AHRR: variants seen among roughly 807,000 people sequenced by gnomAD.
AHRR encodes aryl hydrocarbon receptor repressor.
AHRR carries 28 observed loss-of-function variants against 44.0 expected under a neutral mutation model. The ratio of observed to expected loss-of-function variants is 0.64; its 90% CI spans 0.47 to 0.87. The LOEUF is 0.87. Ranked by LOEUF, AHRR falls within the 40% of genes least tolerant of loss-of-function variation. The pLI, the probability that AHRR is intolerant of heterozygous loss-of-function variation, is 0.00. For missense variants in AHRR, 990 were observed against 953.9 expected (o/e 1.04, Z -0.50); for synonymous variants, 434 against 407.0 (o/e 1.07, Z -0.80).
At chr5:433,238 C>T (rs1312418467) in intron 10 of AHRR, among the ~76,000 whole-genome samples, 1 of 152,048 alleles carries the variant, frequency 6.6e-6, no homozygotes, top group Non-Finnish European at 1.5e-5. Context: ...TCACTCGGAC[C>T]CTGGGTCACC....
chr5:422,610 C>A, intron 5 of AHRR, 119 bp from the exon 6 acceptor site: 1 of 1,372,882 alleles, frequency 7.3e-7, no homozygotes, highest in Non-Finnish European at 1.0e-6. Flanking sequence ...GGATTCTCTC[C>A]CTGTGGCTGT....
At chr5:381,834 G>A (rs574247143) in intron 4 of AHRR, among the ~76,000 whole-genome samples, 26 of 151,352 alleles carry the variant, frequency 1.7e-4, no homozygotes, top group African/African-American at 6.1e-4. Context: ...TGTTTGTTTT[G>A]TAAATGCCTC....
intron 4 of AHRR, among the ~76,000 whole-genome samples, chr5:382,099 A>G (rs1310520508): frequency 6.6e-6 from 1 of 152,152 alleles, no homozygotes; most frequent in African/African-American, 2.4e-5. Context: ...GCCTATGTTC[A>G]TGAGAAATAC....
Position 343,868 on chromosome 5 carries a change from GACCGGGT to G in AHRR, c.-10-24_-10-18del. The G allele has an allele frequency of 6.3e-7, 1 of 1,587,080 alleles. No individual in the cohort carries two copies. Among genetic ancestry groups the G allele is most frequent in the Non-Finnish European group, 8.6e-7 (1 of 1,168,860 alleles). ...CAGGGCGCACGTGGCGCGTTCCGGT[GACCGGGT>G]GCCCCCTTGTCTTCCAGGCCGAGGA... On this transcript the variant is annotated intron_variant, in intron 1 of 10. Transcript: ENST00000684583.
chr5:341,445 A>AT (rs1742344041), intron 1 of AHRR, among the ~76,000 whole-genome samples: 1 of 147,604 alleles, frequency 6.8e-6, no homozygotes, highest in Non-Finnish European at 1.5e-5. Context: ...AGTTTTGTTG[A>AT]TTTTTTTCAA....
rs3215229 is a variant in AHRR at position 413,313 on chromosome 5, A to AT, written c.352-20dup. On this transcript the variant is annotated intron_variant, in intron 4 of 10. Coordinates refer to ENST00000684583, the MANE Select transcript of AHRR (RefSeq NM_001377236.1). ...TTTTCATTTTGGGTGAGCCAATTCGATTTTTTTTTTTGTTTTGTTTTTTCT... is the reference window on the plus strand; with the variant it reads ...TTTTCATTTTGGGTGAGCCAATTCGATTTTTTTTTTTTGTTTTGTTTTTTCT... 9.4e-3 allele frequency: 12,278 copies of AT among 1,300,556 alleles called. 5 individuals are homozygous for AT. The highest frequency in any genetic ancestry group is 0.039 in the South Asian group (2,673 of 69,306). 80.6% of individuals were successfully genotyped at this position (1,300,556 alleles called of 1,614,324 possible).
At chr5:382,551 G>C (rs1334946189) in intron 4 of AHRR, among the ~76,000 whole-genome samples, 1 of 151,884 alleles carries the variant, frequency 6.6e-6, no homozygotes, top group Admixed American at 6.6e-5. Flanking sequence ...TTGGTCAGTT[G>C]AGTTACAGGC....
At position 413,419 on chromosome 5, in the gene AHRR, C is replaced by G. The variant is rs757218890; in HGVS notation, c.427C>G (p.Leu143Val). The G allele has an allele frequency of 6.2e-7, 1 of 1,613,430 alleles. No homozygotes were observed. Among genetic ancestry groups the G allele is most frequent in the Non-Finnish European group, 8.5e-7 (1 of 1,179,542 alleles). The stretch of plus-strand genomic sequence containing the variant: ...TGCATCAGCAACGATCGTGGACTAT[C>G]TGGGCTTCCATCAGGTAAATGAAAC... ...FYASATIVDY[L>V]GFHQTDVMHQ... Residue 143 changes from leucine (L) to valine (V), a missense_variant, in exon 5 of 11, where the codon CTG (leucine) becomes GTG (valine). Coordinates refer to ENST00000684583, the MANE Select transcript of AHRR (RefSeq NM_001377236.1).
intron 5 of AHRR, among the ~76,000 whole-genome samples, chr5:420,672 T>C (rs1736037823): frequency 6.6e-6 from 1 of 152,148 alleles, no homozygotes; most frequent in South Asian, 2.1e-4. Context: ...CCTTGTGGTG[T>C]CCACCAGGAG....
chr5:415,405 TCGGG>T (rs1735704213), intron 5 of AHRR, among the ~76,000 whole-genome samples: 1 of 133,532 alleles, frequency 7.5e-6, no homozygotes, highest in Non-Finnish European at 1.6e-5. Flanking sequence ...GTCTGCCTGG[TCGGG>T]TGGGAGGCCT....
rs189417800 is a variant in AHRR at position 332,738 on chromosome 5, G to A, written c.-11+10919G>A. Among the ~76,000 whole-genome samples, 353 of 152,204 alleles carry A rather than the reference G, an allele frequency of 2.3e-3. 1 individual carries two copies. The highest frequency in any genetic ancestry group is 3.8e-3 in the Non-Finnish European group (256 of 68,000). On this transcript the variant is annotated intron_variant, in intron 1 of 10. Coordinates refer to ENST00000684583, the MANE Select transcript of AHRR (RefSeq NM_001377236.1). ...TTCTTTGCTGATTTTCCATTTAGCT[G>A]ATCTGTCTAATGCCATGAGTAGTGT...
At chr5:350,685 G>C (rs1742829422) in intron 2 of AHRR, among the ~76,000 whole-genome samples, 1 of 151,746 alleles carries the variant, frequency 6.6e-6, no homozygotes, top group South Asian at 2.1e-4. Flanking sequence ...GGATGCCAGT[G>C]CACACGAGAG....
At chr5:401,827 A>G (rs769583187) in intron 4 of AHRR, among the ~76,000 whole-genome samples, 3 of 152,226 alleles carry the variant, frequency 2.0e-5, no homozygotes, top group Admixed American at 1.3e-4. Flanking sequence ...CATGTTCCCA[A>G]CCAAAGCAAG....
In AHRR at chr5:427,590, T is replaced by TG. The variant is rs758060105; in HGVS notation, c.709-212dup. The TG allele has an allele frequency of 7.5e-6, 12 of 1,604,254 alleles. No individual in the cohort carries two copies. The East Asian group carries it at 2.2e-4, about 30-fold the overall frequency. On this transcript the variant is annotated intron_variant, in intron 7 of 10. Transcript: ENST00000684583. ...GCCGCGGCTCCAGAGAAACTGGGAG[T>TG]GGGGGATGGTTTCAGGATGATTCAA...
At chr5:423,749 T>A in intron 6 of AHRR, 92 bp from the exon 7 acceptor site, 1 of 1,471,832 alleles carries the variant, frequency 6.8e-7, no homozygotes, top group South Asian at 1.3e-5. Flanking sequence ...TTACATGACC[T>A]GGCGCGTGAG....
intron 4 of AHRR, among the ~76,000 whole-genome samples, chr5:402,491 A>T (rs71597639): frequency 0.033 from 3,591 of 107,780 alleles, 64 homozygotes; most frequent in Non-Finnish European, 0.045. Context: ...AGAGAAGGGG[A>T]CCCTCGTGCA....
rs1560902456 is a variant in AHRR, at chr5:387,902, G to A, written c.351+11186G>A. 1.3e-5 allele frequency among the ~76,000 whole-genome samples: 2 copies of A among 152,190 alleles called. No homozygotes were observed. Among genetic ancestry groups the A allele is most frequent in the African/African-American group, 2.4e-5 (1 of 41,458 alleles). ...GCTGCAAGCGAGGTGTTGGCAGGAC[G>A]GGCCCCTTGACAAAGGCTCTTGGGG... On this transcript the variant is annotated intron_variant, in intron 4 of 10. Coordinates refer to ENST00000684583, the MANE Select transcript of AHRR (RefSeq NM_001377236.1). This position sits in a 1 kb window ranked among gnomAD's most constrained non-coding sequence, Gnocchi z 5.1.
intron 5 of AHRR, among the ~76,000 whole-genome samples, chr5:416,107 G>T (rs1560916771): frequency 6.6e-6 from 1 of 152,232 alleles, no homozygotes; most frequent in African/African-American, 2.4e-5. Flanking sequence ...CCACGTGAAG[G>T]TGCAGCTCGT....
rs1294916120 is a variant in AHRR, at chr5:387,783, G to A, written c.351+11067G>A. Among the ~76,000 whole-genome samples, 1 of 152,230 alleles carries A rather than the reference G, an allele frequency of 6.6e-6. No homozygotes were observed. The highest frequency in any genetic ancestry group is 2.4e-5 in the African/African-American group (1 of 41,462). Reference sequence around the variant, plus strand: ...GGCGACACCATGTCAGCTTCCTGGGGCAGCCTTAATGAATGACTGCAAACT... The same window carrying A: ...GGCGACACCATGTCAGCTTCCTGGGACAGCCTTAATGAATGACTGCAAACT... On this transcript the variant is annotated intron_variant, in intron 4 of 10. Transcript: ENST00000684583. The surrounding 1 kb of genome is among the most constrained non-coding windows in gnomAD (Gnocchi z 5.1).
Sources: gnomAD v4.1 joint callset for allele counts (sites outside exome capture counted in the v4.1 genomes callset) on GRCh38, gnomAD v4.1.1 for gene constraint, Gnocchi (gnomAD v3.1) non-coding constraint, MANE v1.5 for transcripts, NCBI Gene and HGNC (gene_info 2026-07-23, HGNC 2026-07-21) for gene names.